Variants in SHANK2 observed in about 807,000 individuals in gnomAD.
SHANK2 encodes SH3 and multiple ankyrin repeat domains protein 2.
In SHANK2, 43 loss-of-function variants were observed where a neutral mutation model predicts 133.7. That is an observed-to-expected ratio of 0.32 (90% CI 0.25 to 0.41). The LOEUF is 0.41. SHANK2 is among the 10% of genes least tolerant of loss of function. The pLI is 1.00. For missense variants in SHANK2, 1,994 were observed against 2,235.8 expected (o/e 0.89, Z 2.18); for synonymous variants, 1,017 against 952.8 (o/e 1.07, Z -1.24).
At chr11:70,612,057 C>T (rs545406997) in intron 17 of SHANK2, among the ~76,000 whole-genome samples, 6 of 151,890 alleles carry the variant, frequency 4.0e-5, no homozygotes, top group Non-Finnish European at 7.4e-5. Context: ...AAGGAGGCGG[C>T]GTCCGGGCGT....
At chr11:71,156,243 CCCT>C (rs1952904836) in intron 2 of SHANK2, among the ~76,000 whole-genome samples, 1 of 152,226 alleles carries the variant, frequency 6.6e-6, no homozygotes, top group East Asian at 1.9e-4. Context: ...GTCCCCAGGA[CCCT>C]CCTGATAGGT....
At chr11:71,086,231 AT>A (rs1951411180) in intron 8 of SHANK2, among the ~76,000 whole-genome samples, 3 of 51,728 alleles carry the variant, frequency 5.8e-5, no homozygotes, top group African/African-American at 2.1e-4. Context: ...AATATATTAA[AT>A]TATATAATAT....
At chr11:70,562,265 G>A (rs985402837) in intron 17 of SHANK2, among the ~76,000 whole-genome samples, 1 of 152,210 alleles carries the variant, frequency 6.6e-6, no homozygotes, top group African/African-American at 2.4e-5. Flanking sequence ...ACAAAGCACA[G>A]AGGATTCTTT....
intron 11 of SHANK2, among the ~76,000 whole-genome samples, chr11:70,838,730 T>C (rs1348422555): frequency 1.3e-5 from 2 of 152,318 alleles, no homozygotes; most frequent in South Asian, 4.1e-4. Flanking sequence ...CCCTGGACTC[T>C]CACTCTGCAC....
At chr11:70,612,618 C>T (rs934290706) in intron 17 of SHANK2, among the ~76,000 whole-genome samples, 10 of 152,176 alleles carry the variant, frequency 6.6e-5, no homozygotes, top group Non-Finnish European at 1.5e-4. Context: ...GCAAAACGCT[C>T]AACGCTCCAG....
chr11:70,655,615 A>C (rs934616966), intron 17 of SHANK2, among the ~76,000 whole-genome samples: 1 of 152,152 alleles, frequency 6.6e-6, no homozygotes, highest in African/African-American at 2.4e-5. Context: ...CCTGCTGTTG[A>C]GTTGAACTGT....
intron 14 of SHANK2, among the ~76,000 whole-genome samples, chr11:70,716,051 C>G (rs1351957485): frequency 6.6e-6 from 1 of 151,590 alleles, no homozygotes; most frequent in Non-Finnish European, 1.5e-5. Context: ...AACCCCAAAA[C>G]TGTCTTAGGG....
At chr11:71,106,914 A>T (rs1289253789) in intron 6 of SHANK2, among the ~76,000 whole-genome samples, 6 of 152,266 alleles carry the variant, frequency 3.9e-5, no homozygotes, top group Non-Finnish European at 8.8e-5. Context: ...ACTTGAACTC[A>T]GGAGTTTGAG....
At chr11:70,891,468 C>A (rs2135631971) in intron 11 of SHANK2, among the ~76,000 whole-genome samples, 1 of 152,298 alleles carries the variant, frequency 6.6e-6, no homozygotes, top group Middle Eastern at 3.4e-3. Context: ...CGCCACTGCA[C>A]TCCAGCCTGG....
At position 70,476,401 on chromosome 11, in the gene SHANK2, C is replaced by G. The variant is rs565683006; in HGVS notation, c.4980-2962G>C. On this transcript the variant is annotated intron_variant, in intron 25 of 25. Transcript: ENST00000601538. ...ATACACGAAAAAACCTGCAACCCCC[C>G]CTTCTCTGGTACTCAAAGAAGGTCG... Among the ~76,000 whole-genome samples the G allele has an allele frequency of 3.7e-4, 57 of 152,184 alleles. 1 individual carries two copies. The highest frequency in any genetic ancestry group is 2.2e-3 in the Admixed American group (34 of 15,284).
At chr11:71,093,203 A>T (rs1239868161) in intron 7 of SHANK2, among the ~76,000 whole-genome samples, 1 of 152,194 alleles carries the variant, frequency 6.6e-6, no homozygotes, top group African/African-American at 2.4e-5. Flanking sequence ...ATTTTGTGCC[A>T]GTGGTGTGGC....
chr11:71,146,536 C>A (rs112156469), intron 3 of SHANK2, among the ~76,000 whole-genome samples: 1 of 152,222 alleles, frequency 6.6e-6, no homozygotes, highest in Non-Finnish European at 1.5e-5. Context: ...ACACAGCCAG[C>A]GTGGGCCAGG....
At chr11:71,212,733 C>T (rs1320456936) in intron 2 of SHANK2, among the ~76,000 whole-genome samples, 5 of 152,232 alleles carry the variant, frequency 3.3e-5, no homozygotes, top group South Asian at 2.1e-4. Flanking sequence ...GAATCCACTT[C>T]CTCAACGTCA....
intron 11 of SHANK2, among the ~76,000 whole-genome samples, chr11:70,870,484 G>C (rs76774896): frequency 6.6e-6 from 1 of 152,182 alleles, no homozygotes; most frequent in Admixed American, 6.5e-5. Flanking sequence ...AGGAAAGATG[G>C]GGTATGTTCA....
chr11:70,831,491 C>T (rs1948724164), intron 11 of SHANK2, among the ~76,000 whole-genome samples: 1 of 152,158 alleles, frequency 6.6e-6, no homozygotes, highest in South Asian at 2.1e-4. Flanking sequence ...CATCCAAAGC[C>T]CCGTGCCCCC....
At chr11:70,857,657 G>A (rs1283272589) in intron 11 of SHANK2, among the ~76,000 whole-genome samples, 1 of 152,174 alleles carries the variant, frequency 6.6e-6, no homozygotes, top group African/African-American at 2.4e-5. Flanking sequence ...CACTTTAGTT[G>A]ACGTGATGGC....
intron 25 of SHANK2, among the ~76,000 whole-genome samples, chr11:70,476,012 A>G (rs942561793): frequency 1.3e-5 from 2 of 152,044 alleles, no homozygotes; most frequent in African/African-American, 4.8e-5. Context: ...ATTTGAGGTC[A>G]GGGGTTCGAG....
intron 6 of SHANK2, among the ~76,000 whole-genome samples, chr11:71,098,753 G>A (rs12420697): frequency 0.26 from 39,563 of 152,056 alleles, 5,594 homozygotes; most frequent in South Asian, 0.32. Flanking sequence ...GGAAGGGGCC[G>A]ATCTTGCAAT....
chr11:71,109,964 T>C lies in SHANK2; in HGVS notation c.569A>G (p.Asn190Ser). ...ACCTCCGGTCTCCGGGTCGTGGAAA[T>C]TGGGATCCAGGCCTCGGTCCAGCAT... ...TKMLDRGLDP[N>S]FHDPETGETP... Residue 190 changes from asparagine (N) to serine (S), a missense_variant, in exon 6 of 26, where the codon AAT (asparagine) becomes AGT (serine). Asn to Ser is a conservative substitution (Grantham distance 46). Transcript: ENST00000601538. 1.3e-6 allele frequency: 2 copies of C among 1,551,564 alleles called. No individual in the cohort carries two copies. Among genetic ancestry groups the C allele is most frequent in the Non-Finnish European group, 8.7e-7 (1 of 1,146,848 alleles).
Sources: gnomAD v4.1 joint callset for allele counts (sites outside exome capture counted in the v4.1 genomes callset) on GRCh38, gnomAD v4.1.1 for gene constraint, MANE v1.5 for transcripts, NCBI Gene and HGNC (gene_info 2026-07-23, HGNC 2026-07-21) for gene names.